The following APIP variants were observed in gnomAD, a reference collection of about 807,000 sequenced individuals.
APIP encodes the protein methylthioribulose-1-phosphate dehydratase.
Under a neutral mutation model 32.0 loss-of-function variants are expected in APIP, and 32 were observed. That is an observed-to-expected ratio of 1.00 (90% CI 0.76 to 1.34). APIP has a LOEUF of 1.34. Ranked by LOEUF, APIP falls within the 40% of genes most tolerant of loss-of-function variation. APIP has a pLI of 0.00. For missense variants in APIP, 247 were observed against 298.6 expected (o/e 0.83, Z 1.27); for synonymous variants, 92 against 94.8 (o/e 0.97, Z 0.17).
At chr11:34,894,905 T>A in intron 2 of APIP, 105 bp downstream of exon 2, 3 of 967,430 alleles carry the variant, frequency 3.1e-6, no homozygotes, top group Admixed American at 2.0e-5. Flanking sequence ...ACCTTCAGTA[T>A]CACATAAAAC....
chr11:34,906,256 A>G (rs1853453268), intron 1 of APIP, among the ~76,000 whole-genome samples: 1 of 152,052 alleles, frequency 6.6e-6, no homozygotes, highest in Non-Finnish European at 1.5e-5. Context: ...CTGACTTATT[A>G]TTTTTAAATT....
chr11:34,890,615 T>C lies in APIP; in HGVS notation c.159-63A>G, dbSNP rs188338889. ...TTCCTGCTTTTGCACAAAGAAAAGT[T>C]TGCAGTCCAATCATGCATGTTCTTT... On this transcript the variant is annotated intron_variant, in intron 2 of 6. Transcript: ENST00000395787. 1.3e-4 allele frequency: 195 copies of C among 1,557,762 alleles called. 1 individual carries two copies. The Admixed American group carries it at 2.6e-3, about 21-fold the overall frequency.
At chr11:34,903,017 T>C (rs994116728) in intron 1 of APIP, among the ~76,000 whole-genome samples, 10 of 152,250 alleles carry the variant, frequency 6.6e-5, no homozygotes, top group Non-Finnish European at 1.2e-4. Context: ...TTTAACTGTT[T>C]ACACCCCACA....
At chr11:34,899,288 G>C (rs903708616) in intron 1 of APIP, among the ~76,000 whole-genome samples, 2 of 152,006 alleles carry the variant, frequency 1.3e-5, no homozygotes, top group Non-Finnish European at 2.9e-5. Context: ...ACTAGAAATC[G>C]GGCTCTAAGC....
rs1177632264 is a variant in APIP at position 34,898,288 on chromosome 11, G to A, written c.58-3178C>T. Among the ~76,000 whole-genome samples the A allele has an allele frequency of 2.6e-5, 4 of 152,224 alleles. No individual in the cohort carries two copies. The East Asian group carries it at 7.7e-4, about 29-fold the overall frequency. On this transcript the variant is annotated intron_variant, in intron 1 of 6. Transcript: ENST00000395787. ...GGTTAAAAATATGCTTATCACGACTGCCATTCTAAGGCCTCAGATGTTAGG... is the reference window on the plus strand; with the variant it reads ...GGTTAAAAATATGCTTATCACGACTACCATTCTAAGGCCTCAGATGTTAGG...
chr11:34,903,235 A>G (rs1358102179), intron 1 of APIP, among the ~76,000 whole-genome samples: 2 of 152,246 alleles, frequency 1.3e-5, no homozygotes, highest in African/African-American at 2.4e-5. Context: ...GCAAGGGAAG[A>G]TACTGGGGAA....
At chr11:34,905,817 C>T (rs1347317577) in intron 1 of APIP, among the ~76,000 whole-genome samples, 3 of 152,110 alleles carry the variant, frequency 2.0e-5, no homozygotes, top group Non-Finnish European at 4.4e-5. Context: ...AAACATGCCC[C>T]CTCATGGAAT....
chr11:34,889,853 T>TA (rs1249077984), intron 3 of APIP, among the ~76,000 whole-genome samples: 1 of 152,160 alleles, frequency 6.6e-6, no homozygotes, highest in East Asian at 1.9e-4. Flanking sequence ...CCATGGTATA[T>TA]ATGTACCACA....
intron 1 of APIP, among the ~76,000 whole-genome samples, chr11:34,911,989 C>T (rs17347979): frequency 0.22 from 33,804 of 152,096 alleles, 4,925 homozygotes; most frequent in Non-Finnish European, 0.34. Flanking sequence ...TTGCATTTTT[C>T]AGCCTGGACT....
At chr11:34,896,746 G>A in intron 1 of APIP, 1 of 1,088,982 alleles carries the variant, frequency 9.2e-7, no homozygotes. Flanking sequence ...CAACAACAAA[G>A]GAAAATGAGA....
At chr11:34,896,747 G>A in intron 1 of APIP, 1 of 1,127,970 alleles carries the variant, frequency 8.9e-7, no homozygotes, top group African/African-American at 1.6e-5. Context: ...AACAACAAAG[G>A]AAAATGAGAC....
chr11:34,909,779 G>C (rs1010447736), intron 1 of APIP, among the ~76,000 whole-genome samples: 39 of 152,192 alleles, frequency 2.6e-4, no homozygotes, highest in African/African-American at 9.4e-4. Context: ...GAGACACGGG[G>C]AGAAGGAGAG....
intron 5 of APIP, among the ~76,000 whole-genome samples, chr11:34,885,111 A>T (rs1198936033): frequency 6.7e-6 from 1 of 148,304 alleles, no homozygotes; most frequent in African/African-American, 2.5e-5. Flanking sequence ...ATACATGTAT[A>T]TTATATATAT....
chr11:34,901,978 C>A (rs371975905), intron 1 of APIP, among the ~76,000 whole-genome samples: 2 of 152,124 alleles, frequency 1.3e-5, no homozygotes, highest in African/African-American at 4.8e-5. Context: ...CCCTGCAACA[C>A]CCCAATATTA....
At position 34,883,352 on chromosome 11, in the gene APIP, T is replaced by C. The variant is rs1340331909; in HGVS notation, c.614A>G (p.Glu205Gly). 2 of 1,610,448 alleles carry C rather than the reference T, an allele frequency of 1.2e-6. No individual in the cohort carries two copies. Among genetic ancestry groups the C allele is most frequent in the African/African-American group, 2.7e-5 (2 of 74,890 alleles). The change falls in exon 6 of 7, where the codon GAG (glutamate) becomes GGG (glycine). Residue 205 changes from glutamate to glycine, a missense_variant. Physicochemically the swap from Glu to Gly is moderately conservative, Grantham distance 98. Coordinates refer to ENST00000395787, the MANE Select transcript of APIP (RefSeq NM_015957.4). ...TTACACTCACATGGTTTTGGCCTTCTCCCATGTTTCCCCCCACACATATAC... is the reference window on the plus strand; with the variant it reads ...TTACACTCACATGGTTTTGGCCTTCCCCCATGTTTCCCCCCACACATATAC... ...HGVYVWGETW[E>G]KAKTMCECYD...
chr11:34,888,921 T>A, intron 3 of APIP, 52 bp from the exon 4 acceptor site: 1 of 1,080,714 alleles, frequency 9.3e-7, no homozygotes, highest in Non-Finnish European at 1.3e-6. Flanking sequence ...AAATATCAAT[T>A]AGAAATGTTC....
At chr11:34,908,422 C>A (rs1481000946) in intron 1 of APIP, among the ~76,000 whole-genome samples, 1 of 152,188 alleles carries the variant, frequency 6.6e-6, no homozygotes, top group African/African-American at 2.4e-5. Context: ...TCTCTCTGTC[C>A]TTGGTCTTCG....
At chr11:34,913,435 C>T (rs1853590493) in intron 1 of APIP, among the ~76,000 whole-genome samples, 1 of 152,084 alleles carries the variant, frequency 6.6e-6, no homozygotes. Flanking sequence ...CTGGTGGGTT[C>T]GTGGTCTTGC....
intron 3 of APIP, among the ~76,000 whole-genome samples, chr11:34,889,293 A>G (rs1346863029): frequency 6.6e-6 from 1 of 152,118 alleles, no homozygotes; most frequent in Non-Finnish European, 1.5e-5. Context: ...GAAAGTCTAT[A>G]TAAAGAAATC....
Sources: allele counts gnomAD v4.1 joint callset (sites outside exome capture counted in the v4.1 genomes callset), GRCh38; gene constraint gnomAD v4.1.1; transcripts MANE v1.5; gene names NCBI Gene and HGNC (gene_info 2026-07-23, HGNC 2026-07-21).